Variants in EPHB1 observed in about 807,000 individuals in gnomAD.
EPHB1 encodes ephrin type-B receptor 1.
In EPHB1, 30 loss-of-function variants were observed where a neutral mutation model predicts 94.4. The observed-to-expected ratio is 0.32, with a 90% confidence interval of 0.24 to 0.43. The LOEUF (loss-of-function observed/expected upper bound fraction) is 0.43, where lower values mean the gene tolerates loss of function less well. Among genes scored for constraint, EPHB1 ranks in the 20% least tolerant of loss-of-function variants. The pLI, the probability that EPHB1 is intolerant of heterozygous loss-of-function variation, is 1.00. For missense variants in EPHB1, 1,055 were observed against 1,308.3 expected, an observed-to-expected ratio of 0.81 and a Z score of 2.99; for synonymous variants, 522 against 489.1, an observed-to-expected ratio of 1.07 and a Z score of -0.89.
chr3:135,195,394 T>C (rs1212831098), intron 11 of EPHB1, among the ~76,000 whole-genome samples: 1 of 152,000 alleles, frequency 6.6e-6, no homozygotes, highest in Non-Finnish European at 1.5e-5. Flanking sequence ...GCAGGTTAGA[T>C]ACATATGTAT....
chr3:135,218,579 A>C (rs1468195988), intron 12 of EPHB1, among the ~76,000 whole-genome samples: 1 of 152,216 alleles, frequency 6.6e-6, no homozygotes, highest in Non-Finnish European at 1.5e-5. Flanking sequence ...GTGATATGCA[A>C]AGCCCTCTTC....
chr3:134,819,325 G>A (rs1465554563), intron 1 of EPHB1, among the ~76,000 whole-genome samples: 1 of 152,112 alleles, frequency 6.6e-6, no homozygotes, highest in Non-Finnish European at 1.5e-5. Context: ...CTTTCACGGG[G>A]CCAGCAGGCA....
chr3:134,923,306 C>A (rs1467869062), intron 1 of EPHB1, among the ~76,000 whole-genome samples: 1 of 152,168 alleles, frequency 6.6e-6, no homozygotes, highest in Non-Finnish European at 1.5e-5. Flanking sequence ...GAAGTGCTAT[C>A]TGGGTTACAG....
In EPHB1 at chr3:134,912,589, G is replaced by T. The variant is rs114039979; in HGVS notation, c.59-13227G>T. Among the ~76,000 whole-genome samples, 247 of 152,330 alleles carry T rather than the reference G, an allele frequency of 1.6e-3. 1 individual carries two copies. The highest frequency in any genetic ancestry group is 4.7e-3 in the African/African-American group (197 of 41,578). On this transcript the variant is annotated intron_variant, in intron 1 of 15. Coordinates refer to ENST00000398015, the MANE Select transcript of EPHB1 (RefSeq NM_004441.5). ...AGAAGGGTATGCTCTGTGTCAGGAA[G>T]GAATCTGAGTCAGGAGAAGGTGAGC...
chr3:134,873,321 T>G (rs1437409899), intron 1 of EPHB1, among the ~76,000 whole-genome samples: 1 of 152,152 alleles, frequency 6.6e-6, no homozygotes, highest in Admixed American at 6.5e-5. Context: ...GATTTGTAAT[T>G]TAGACTGGGC....
intron 1 of EPHB1, among the ~76,000 whole-genome samples, chr3:134,804,471 A>G (rs1379846704): frequency 6.6e-6 from 1 of 152,062 alleles, no homozygotes; most frequent in East Asian, 1.9e-4. Flanking sequence ...AATCCATATC[A>G]ATGTCCATCT....
chr3:135,249,445 A>G lies in EPHB1; in HGVS notation c.2800A>G (p.Thr934Ala). ...GGTCCAGTACAGGGACAGCTTCCTCACTGCTGGCTTCACCTCCCTCCAGCT... is the reference window on the plus strand; with the variant it reads ...GGTCCAGTACAGGGACAGCTTCCTCGCTGCTGGCTTCACCTCCCTCCAGCT... The part of the protein sequence containing the change: ...KMVQYRDSFL[T>A]AGFTSLQLVT... The change falls in exon 15 of 16, where the codon ACT (threonine) becomes GCT (alanine). Residue 934 changes from threonine to alanine, a missense_variant. Transcript: ENST00000398015. The G allele has an allele frequency of 6.2e-7, 1 of 1,613,948 alleles. No individual in the cohort carries two copies. Among genetic ancestry groups the G allele is most frequent in the Non-Finnish European group, 8.5e-7 (1 of 1,179,860 alleles).
chr3:134,989,337 C>CT (rs1384700290), intron 3 of EPHB1, among the ~76,000 whole-genome samples: 2 of 152,194 alleles, frequency 1.3e-5, no homozygotes, highest in Non-Finnish European at 2.9e-5. Context: ...TGGGAATTAA[C>CT]TAACATGGAA....
At chr3:135,152,182 C>G (rs944249774) in intron 5 of EPHB1, among the ~76,000 whole-genome samples, 12 of 152,076 alleles carry the variant, frequency 7.9e-5, no homozygotes, top group African/African-American at 2.9e-4. Flanking sequence ...AGGAATAGCT[C>G]AAGGAAGATC....
At chr3:135,050,157 T>C (rs1315670230) in intron 3 of EPHB1, among the ~76,000 whole-genome samples, 1 of 152,228 alleles carries the variant, frequency 6.6e-6, no homozygotes, top group Admixed American at 6.5e-5. Context: ...CAAGACAGCA[T>C]GTATACATGA....
At chr3:134,862,656 C>T (rs1221634239) in intron 1 of EPHB1, among the ~76,000 whole-genome samples, 2 of 152,118 alleles carry the variant, frequency 1.3e-5, no homozygotes, top group East Asian at 3.9e-4. Flanking sequence ...AAGCTCCAGC[C>T]TTGGTTGCCG....
intron 15 of EPHB1, among the ~76,000 whole-genome samples, chr3:135,257,968 C>T (rs1933482280): frequency 6.6e-6 from 1 of 152,046 alleles, no homozygotes. Context: ...TGGGAGTGAC[C>T]CGATTTTCCA....
At chr3:135,182,344 G>A (rs1447928195) in intron 10 of EPHB1, among the ~76,000 whole-genome samples, 1 of 152,220 alleles carries the variant, frequency 6.6e-6, no homozygotes, top group East Asian at 1.9e-4. Flanking sequence ...AACAAAACAT[G>A]AAAAGAAGAG....
intron 1 of EPHB1, among the ~76,000 whole-genome samples, chr3:134,847,457 G>C (rs1206826112): frequency 6.6e-6 from 1 of 152,232 alleles, no homozygotes; most frequent in Non-Finnish European, 1.5e-5. Flanking sequence ...GGAGGATTAA[G>C]TGAGATGCTG....
At chr3:135,248,684 A>G (rs867911616) in intron 14 of EPHB1, among the ~76,000 whole-genome samples, 175 bp downstream of exon 14, 4 of 152,132 alleles carry the variant, frequency 2.6e-5, no homozygotes, top group Non-Finnish European at 5.9e-5. Context: ...CATTGCAATG[A>G]TCATGATAGA....
chr3:135,150,536 C>A (rs1467492744), intron 5 of EPHB1, among the ~76,000 whole-genome samples: 2 of 152,204 alleles, frequency 1.3e-5, no homozygotes, highest in African/African-American at 4.8e-5. Flanking sequence ...GGACTCAGCT[C>A]TTACTTTCAT....
chr3:135,114,780 G>T (rs970060499), intron 4 of EPHB1, among the ~76,000 whole-genome samples: 2 of 133,876 alleles, frequency 1.5e-5, no homozygotes, highest in African/African-American at 5.3e-5. Context: ...ACAATATTTG[G>T]CATACAGGAA....
intron 1 of EPHB1, among the ~76,000 whole-genome samples, chr3:134,907,811 GA>G (rs2038366962): frequency 6.6e-6 from 1 of 152,196 alleles, no homozygotes; most frequent in Admixed American, 6.5e-5. Context: ...AGATGTCATT[GA>G]CTGATTGCAT....
chr3:135,041,179 A>C (rs1485111619), intron 3 of EPHB1, among the ~76,000 whole-genome samples: 1 of 152,146 alleles, frequency 6.6e-6, no homozygotes, highest in Non-Finnish European at 1.5e-5. Flanking sequence ...CAACATACTG[A>C]GAACTTTCAG....
Sources: gnomAD v4.1 joint callset for allele counts (sites outside exome capture counted in the v4.1 genomes callset) on GRCh38, gnomAD v4.1.1 for gene constraint, MANE v1.5 for transcripts, NCBI Gene and HGNC (gene_info 2026-07-23, HGNC 2026-07-21) for gene names.